The following GRM7 variants were observed in gnomAD, a reference collection of about 807,000 sequenced individuals.
The protein encoded by GRM7 is metabotropic glutamate receptor 7.
A neutral mutation model predicts 84.5 loss-of-function variants in GRM7; 35 were observed. That is an observed-to-expected ratio of 0.41 (90% CI 0.32 to 0.55). GRM7 has a LOEUF of 0.55. GRM7 is among the 20% of genes least tolerant of loss of function. GRM7 has a pLI of 0.19. For missense variants in GRM7, 1,003 were observed against 1,194.6 expected, an observed-to-expected ratio of 0.84 and a Z score of 2.36; for synonymous variants, 487 against 455.1, an observed-to-expected ratio of 1.07 and a Z score of -0.89.
In GRM7 at chr3:7,625,826, T is replaced by C. The variant is rs111607262; in HGVS notation, c.2451+46469T>C. Among the ~76,000 whole-genome samples the C allele has an allele frequency of 2.2e-3, 330 of 152,262 alleles. 5 individuals are homozygous for C. Among genetic ancestry groups the C allele is most frequent in the African/African-American group, 7.6e-3 (315 of 41,548 alleles). On this transcript the variant is annotated intron_variant, in intron 8 of 9. Transcript: ENST00000357716. ...ATGTGCAGTTCAAAGGTAGGACTTC[T>C]AAAGAGAGGCAATGGCTGGAGAAGG... is the stretch of plus-strand genomic sequence containing the variant.
intron 4 of GRM7, among the ~76,000 whole-genome samples, chr3:7,391,576 G>A (rs1165932683): frequency 1.3e-5 from 2 of 152,150 alleles, no homozygotes; most frequent in Middle Eastern, 3.4e-3. Context: ...GGGGAAGTGG[G>A]GAGGGATAAC....
chr3:7,215,516 T>C (rs930786007), intron 2 of GRM7, among the ~76,000 whole-genome samples: 3 of 151,722 alleles, frequency 2.0e-5, no homozygotes, highest in Non-Finnish European at 4.4e-5. Flanking sequence ...TACAAAAAAA[T>C]TAGCCAGGCG....
intron 7 of GRM7, among the ~76,000 whole-genome samples, chr3:7,469,561 G>C (rs1698609859): frequency 6.6e-6 from 1 of 152,046 alleles, no homozygotes; most frequent in Admixed American, 6.5e-5. Flanking sequence ...ATTGAAGCTA[G>C]TTGCATCTGC....
chr3:7,657,517 A>G (rs1012675772), intron 8 of GRM7, among the ~76,000 whole-genome samples: 9 of 152,228 alleles, frequency 5.9e-5, no homozygotes, highest in African/African-American at 2.2e-4. Context: ...CTTAGTTACC[A>G]CTGAAGAAGA....
intron 8 of GRM7, among the ~76,000 whole-genome samples, chr3:7,650,424 C>G (rs1698877900): frequency 6.6e-6 from 1 of 152,204 alleles, no homozygotes; most frequent in African/African-American, 2.4e-5. Context: ...GAACCCACTA[C>G]TAGTTACTAT....
rs369708089 is a variant in GRM7, at chr3:7,258,647, T to C, written c.737-40037T>C. Among the ~76,000 whole-genome samples the C allele has an allele frequency of 5.8e-4, 88 of 152,348 alleles. 5 individuals carry two copies. In the South Asian group the frequency reaches 0.014, roughly 24 times the overall value. ...ATAATTTAAATCTTTTTAAACATTG[T>C]ATAAAGAAGATTCCTGAAGGCTGGG... On this transcript the variant is annotated intron_variant, in intron 2 of 9. Coordinates refer to ENST00000357716, the MANE Select transcript of GRM7 (RefSeq NM_000844.4).
At chr3:7,018,512 A>G (rs1695656106) in intron 1 of GRM7, among the ~76,000 whole-genome samples, 1 of 152,164 alleles carries the variant, frequency 6.6e-6, no homozygotes, top group African/African-American at 2.4e-5. Flanking sequence ...ACTGCCCCAT[A>G]CTGTACTTTT....
intron 8 of GRM7, among the ~76,000 whole-genome samples, chr3:7,654,229 T>G (rs1699082716): frequency 6.6e-6 from 1 of 152,194 alleles, no homozygotes; most frequent in African/African-American, 2.4e-5. Context: ...AGTTGCAAGG[T>G]AATTGATACT....
At chr3:7,117,555 C>T (rs1693079234) in intron 1 of GRM7, among the ~76,000 whole-genome samples, 1 of 152,068 alleles carries the variant, frequency 6.6e-6, no homozygotes, top group Non-Finnish European at 1.5e-5. Context: ...ACTCTGGGGC[C>T]CTCCTGGGTA....
intron 1 of GRM7, among the ~76,000 whole-genome samples, chr3:6,869,246 C>T (rs973978353): frequency 4.3e-4 from 66 of 152,098 alleles, no homozygotes; most frequent in African/African-American, 1.5e-3. Flanking sequence ...GCCTGTCTGA[C>T]GTTGATCAAA....
chr3:6,861,844 A>G lies in GRM7; in HGVS notation c.456A>G (p.Gly152=). ...PVFVKPEKVV[G]VIGASGSSVS... ...TCGTCAAGCCGGAGAAAGTAGTTGG[A>G]GTGATTGGGGCTTCGGGGAGTTCGG... The change falls in exon 1 of 10, where the codon GGA becomes GGG. Residue 152 remains glycine (G), a synonymous_variant. Coordinates refer to ENST00000357716, the MANE Select transcript of GRM7 (RefSeq NM_000844.4). The surrounding 1 kb of genome is among the most constrained non-coding windows in gnomAD (Gnocchi z 6.4). The G allele has an allele frequency of 6.2e-7, 1 of 1,614,072 alleles. No individual in the cohort carries two copies.
At chr3:7,376,968 A>C (rs1177374380) in intron 4 of GRM7, among the ~76,000 whole-genome samples, 1 of 152,222 alleles carries the variant, frequency 6.6e-6, no homozygotes, top group Admixed American at 6.5e-5. Context: ...GACAATGCCA[A>C]ACGTCCCCTG....
chr3:7,187,006 C>A (rs999679248), intron 2 of GRM7, among the ~76,000 whole-genome samples: 16 of 152,056 alleles, frequency 1.1e-4, no homozygotes, highest in African/African-American at 3.4e-4. Flanking sequence ...ATCACTGGAG[C>A]CTAGGCAGAG....
intron 7 of GRM7, among the ~76,000 whole-genome samples, chr3:7,577,478 A>G (rs1695023747): frequency 6.6e-6 from 1 of 152,226 alleles, no homozygotes; most frequent in Non-Finnish European, 1.5e-5. Context: ...TGAGGAACTG[A>G]TACCGGGGAA....
At chr3:7,257,290 T>C (rs73809038) in intron 2 of GRM7, among the ~76,000 whole-genome samples, 5,103 of 152,304 alleles carry the variant, frequency 0.034, 285 homozygotes, top group African/African-American at 0.12. Flanking sequence ...TTGTCCATTA[T>C]ATCCTCCAAC....
intron 7 of GRM7, among the ~76,000 whole-genome samples, chr3:7,472,529 A>G (rs1698744716): frequency 6.6e-6 from 1 of 152,210 alleles, no homozygotes; most frequent in Admixed American, 6.5e-5. Flanking sequence ...AGGAAGAGTA[A>G]GTGATGCTAA....
chr3:6,930,825 G>T (rs17693679), intron 1 of GRM7, among the ~76,000 whole-genome samples: 3 of 152,134 alleles, frequency 2.0e-5, no homozygotes, highest in Non-Finnish European at 4.4e-5. Context: ...ATAAGAATGC[G>T]TCTTTTCCTA....
At chr3:7,410,094 G>T (rs530533224) in intron 4 of GRM7, among the ~76,000 whole-genome samples, 1 of 152,246 alleles carries the variant, frequency 6.6e-6, no homozygotes, top group South Asian at 2.1e-4. Flanking sequence ...TGTAGCCTAG[G>T]TTAAAGGCAG....
At chr3:7,549,154 AAAC>A (rs1693318163) in intron 7 of GRM7, among the ~76,000 whole-genome samples, 1 of 152,232 alleles carries the variant, frequency 6.6e-6, no homozygotes, top group Non-Finnish European at 1.5e-5. Flanking sequence ...CAGTTTATAA[AAAC>A]AACCATTATT....
Sources: gnomAD v4.1 joint callset for allele counts (sites outside exome capture counted in the v4.1 genomes callset) on GRCh38, gnomAD v4.1.1 for gene constraint, Gnocchi (gnomAD v3.1) non-coding constraint, MANE v1.5 for transcripts, NCBI Gene and HGNC (gene_info 2026-07-23, HGNC 2026-07-21) for gene names.